RAB31: variants seen among roughly 807,000 people sequenced by gnomAD.
RAB31 encodes the protein ras-related protein Rab-31.
In RAB31, 21 loss-of-function variants were observed where a neutral mutation model predicts 25.6. That is an observed-to-expected ratio of 0.82 (90% CI 0.58 to 1.18). RAB31 has a LOEUF of 1.18. Among genes scored for constraint, RAB31 ranks in the 50% most tolerant of loss-of-function variants. The pLI is 0.00. For missense variants in RAB31, 196 were observed against 250.1 expected (o/e 0.78, Z 1.46); for synonymous variants, 87 against 84.0 (o/e 1.04, Z -0.20).
intron 3 of RAB31, among the ~76,000 whole-genome samples, chr18:9,805,283 TAAAAAA>T: frequency 6.8e-6 from 1 of 146,874 alleles, no homozygotes; most frequent in Non-Finnish European, 1.5e-5. Flanking sequence ...ATAAAAAGAT[TAAAAAA>T]AAAAAAAGAA....
At chr18:9,853,173 G>T (rs2068797819) in intron 6 of RAB31, among the ~76,000 whole-genome samples, 1 of 152,018 alleles carries the variant, frequency 6.6e-6, no homozygotes, top group South Asian at 2.1e-4. Context: ...CCAAGCTGTG[G>T]CTTGTCTTCA....
In RAB31 at chr18:9,766,254, C is replaced by G. The variant is rs569605580; in HGVS notation, c.40-9024C>G. ...TCACTCTTTCCAGACAGGGCTGAGG[C>G]ACCCTCCTGCTCCAAGATGTGGAGG... On this transcript the variant is annotated intron_variant, in intron 1 of 6. Coordinates refer to ENST00000578921, the MANE Select transcript of RAB31 (RefSeq NM_006868.4). This position sits in a 1 kb window ranked among gnomAD's most constrained non-coding sequence, Gnocchi z 4.3. Among the ~76,000 whole-genome samples the G allele has an allele frequency of 1.7e-4, 26 of 152,304 alleles. No homozygotes were observed. Among genetic ancestry groups the G allele is most frequent in the African/African-American group, 5.8e-4 (24 of 41,576 alleles).
chr18:9,804,073 C>A (rs191934679), intron 3 of RAB31, among the ~76,000 whole-genome samples: 9 of 152,314 alleles, frequency 5.9e-5, no homozygotes, highest in African/African-American at 2.2e-4. Flanking sequence ...TGGCCTGGGC[C>A]GTGGGAACAC....
intron 4 of RAB31, among the ~76,000 whole-genome samples, chr18:9,814,381 A>G (rs1260011011): frequency 6.6e-6 from 1 of 152,230 alleles, no homozygotes. Flanking sequence ...TGCATGCTTT[A>G]TAATTACAGA....
At chr18:9,774,826 A>G (rs2068363646) in intron 1 of RAB31, 1 of 514,402 alleles carries the variant, frequency 1.9e-6, no homozygotes, top group African/African-American at 1.9e-5. Context: ...AGAAACATAG[A>G]AACTAGAATT....
intron 3 of RAB31, among the ~76,000 whole-genome samples, chr18:9,805,771 TTAATTA>T (rs2068537337): frequency 6.6e-6 from 1 of 152,220 alleles, no homozygotes; most frequent in South Asian, 2.1e-4. Context: ...AACCTGTGTC[TTAATTA>T]TATCAACTGA....
intron 1 of RAB31, among the ~76,000 whole-genome samples, chr18:9,730,046 A>G (rs2068114947): frequency 6.6e-6 from 1 of 152,214 alleles, no homozygotes; most frequent in African/African-American, 2.4e-5. Flanking sequence ...GATCGTACAT[A>G]AAATAACTTT....
At chr18:9,827,319 G>A (rs1169445009) in intron 5 of RAB31, among the ~76,000 whole-genome samples, 1 of 152,066 alleles carries the variant, frequency 6.6e-6, no homozygotes, top group East Asian at 1.9e-4. Context: ...AGACCCCTCA[G>A]ACCTAGTTTA....
At chr18:9,739,420 C>T (rs1050485211) in intron 1 of RAB31, among the ~76,000 whole-genome samples, 1 of 151,802 alleles carries the variant, frequency 6.6e-6, no homozygotes, top group African/African-American at 2.4e-5. Context: ...TGCAGTGGGC[C>T]GAGATTGTGC....
intron 1 of RAB31, among the ~76,000 whole-genome samples, chr18:9,728,116 A>G (rs1296538560): frequency 6.6e-6 from 1 of 152,244 alleles, no homozygotes; most frequent in African/African-American, 2.4e-5. Flanking sequence ...GCTATGGTCT[A>G]TGCATATGCA....
At chr18:9,774,717 G>T (rs566734586) in intron 1 of RAB31, among the ~76,000 whole-genome samples, 8 of 152,250 alleles carry the variant, frequency 5.3e-5, no homozygotes, top group Non-Finnish European at 2.9e-5. Context: ...CAGCTTTAAA[G>T]AATTATTTAA....
intron 1 of RAB31, among the ~76,000 whole-genome samples, chr18:9,755,490 C>T (rs758905683): frequency 2.6e-5 from 4 of 152,194 alleles, no homozygotes; most frequent in Non-Finnish European, 5.9e-5. Flanking sequence ...TAAGGCTGTA[C>T]TTGAGGACTA....
intron 3 of RAB31, among the ~76,000 whole-genome samples, chr18:9,807,520 G>C (rs2068548108): frequency 6.6e-6 from 1 of 152,160 alleles, no homozygotes; most frequent in Non-Finnish European, 1.5e-5. Context: ...AATTCCACTT[G>C]TTTGCCAACA....
intron 3 of RAB31, among the ~76,000 whole-genome samples, chr18:9,806,888 G>A (rs2068544532): frequency 6.6e-6 from 1 of 152,214 alleles, no homozygotes; most frequent in Non-Finnish European, 1.5e-5. Context: ...TTGTGGATAT[G>A]CTTGAAAATT....
At chr18:9,729,189 A>G (rs1320502413) in intron 1 of RAB31, among the ~76,000 whole-genome samples, 1 of 152,106 alleles carries the variant, frequency 6.6e-6, no homozygotes, top group Non-Finnish European at 1.5e-5. Flanking sequence ...ATCTTTTGTG[A>G]TTTTGATGTT....
Position 9,843,721 on chromosome 18 carries a change from A to G in RAB31, c.381-1861A>G, listed in dbSNP as rs149500480. ...TTGTCTGTTACAAACAAGAGAGTGA[A>G]TGTCGGGGTGTACTTTTCCCTGCAG... On this transcript the variant is annotated intron_variant, in intron 5 of 6. Coordinates refer to ENST00000578921, the MANE Select transcript of RAB31 (RefSeq NM_006868.4). 5.9e-5 allele frequency among the ~76,000 whole-genome samples: 9 copies of G among 152,198 alleles called. No homozygotes were observed. The East Asian group carries it at 1.5e-3, about 26-fold the overall frequency.
At chr18:9,767,056 TA>T (rs1331053681) in intron 1 of RAB31, among the ~76,000 whole-genome samples, 2 of 152,106 alleles carry the variant, frequency 1.3e-5, no homozygotes, top group African/African-American at 2.4e-5. Flanking sequence ...ATACAAAAAA[TA>T]AATGCAAAAA....
At chr18:9,732,425 AT>A (rs1256801373) in intron 1 of RAB31, among the ~76,000 whole-genome samples, 1 of 152,236 alleles carries the variant, frequency 6.6e-6, no homozygotes, top group African/African-American at 2.4e-5. Flanking sequence ...CCTGGAATAC[AT>A]TAGACCCTGT....
At chr18:9,823,140 G>A (rs181373432) in intron 5 of RAB31, among the ~76,000 whole-genome samples, 1 of 152,152 alleles carries the variant, frequency 6.6e-6, no homozygotes. Context: ...GAATTGTGCC[G>A]AGTGAATGAA....
Sources: gnomAD v4.1 joint callset for allele counts (sites outside exome capture counted in the v4.1 genomes callset) on GRCh38, gnomAD v4.1.1 for gene constraint, Gnocchi (gnomAD v3.1) non-coding constraint, MANE v1.5 for transcripts, NCBI Gene and HGNC (gene_info 2026-07-23, HGNC 2026-07-21) for gene names.